Variants in MARCHF11 observed in about 807,000 individuals in gnomAD.
The protein encoded by MARCHF11 is E3 ubiquitin-protein ligase MARCHF11.
MARCHF11 carries 29 observed loss-of-function variants against 37.3 expected under a neutral mutation model. The ratio of observed to expected loss-of-function variants is 0.78; its 90% CI spans 0.58 to 1.06. MARCHF11 has a LOEUF of 1.06. Ranked by LOEUF, MARCHF11 falls within the 50% of genes least tolerant of loss-of-function variation. MARCHF11 has a pLI of 0.00. For missense variants in MARCHF11, 482 were observed against 533.4 expected, an observed-to-expected ratio of 0.90 and a Z score of 0.95; for synonymous variants, 233 against 228.0, an observed-to-expected ratio of 1.02 and a Z score of -0.20.
chr5:16,134,388 T>C (rs983228368), intron 2 of MARCHF11, among the ~76,000 whole-genome samples: 12 of 152,156 alleles, frequency 7.9e-5, no homozygotes, highest in African/African-American at 2.9e-4. Context: ...TGATCTCTTA[T>C]TGCCTTCTCT....
chr5:16,081,972 A>C (rs1736616828), intron 3 of MARCHF11, among the ~76,000 whole-genome samples: 1 of 152,216 alleles, frequency 6.6e-6, no homozygotes, highest in Non-Finnish European at 1.5e-5. Flanking sequence ...CTCATAACCA[A>C]CTATGATAAT....
intron 2 of MARCHF11, among the ~76,000 whole-genome samples, chr5:16,172,573 G>T (rs2126610845): frequency 6.6e-6 from 1 of 152,326 alleles, no homozygotes; most frequent in African/African-American, 2.4e-5. Context: ...GCCATGAAAT[G>T]CAAATGTCTT....
intron 3 of MARCHF11, among the ~76,000 whole-genome samples, chr5:16,075,998 T>C (rs1050723056): frequency 6.6e-6 from 1 of 152,262 alleles, no homozygotes; most frequent in African/African-American, 2.4e-5. Flanking sequence ...CAAACTGAGA[T>C]ACTGGGCTGT....
At chr5:16,127,573 A>T (rs1306284595) in intron 2 of MARCHF11, among the ~76,000 whole-genome samples, 3 of 152,206 alleles carry the variant, frequency 2.0e-5, no homozygotes, top group Non-Finnish European at 4.4e-5. Context: ...GTAGAAGTTT[A>T]TTTGTAGCTT....
At chr5:16,170,021 A>G (rs911761809) in intron 2 of MARCHF11, among the ~76,000 whole-genome samples, 1 of 152,126 alleles carries the variant, frequency 6.6e-6, no homozygotes, top group Non-Finnish European at 1.5e-5. Context: ...GTCTGGCTAC[A>G]TCTCCCTGGG....
chr5:16,075,603 G>A (rs1008811478), intron 3 of MARCHF11, among the ~76,000 whole-genome samples: 5 of 152,160 alleles, frequency 3.3e-5, no homozygotes, highest in Admixed American at 3.3e-4. Context: ...GAGAGAGAGA[G>A]AGAGGAGAGT....
At chr5:16,167,271 G>A (rs904037591) in intron 2 of MARCHF11, among the ~76,000 whole-genome samples, 3 of 152,132 alleles carry the variant, frequency 2.0e-5, no homozygotes, top group Non-Finnish European at 4.4e-5. Flanking sequence ...ACACTCAAAA[G>A]AGCCAAGATT....
chr5:16,126,942 G>C (rs1377559715), intron 2 of MARCHF11, among the ~76,000 whole-genome samples: 1 of 152,060 alleles, frequency 6.6e-6, no homozygotes, highest in Non-Finnish European at 1.5e-5. Flanking sequence ...ATTTTTAAGG[G>C]GTCATAAATT....
intron 3 of MARCHF11, among the ~76,000 whole-genome samples, chr5:16,069,793 T>G (rs748146651): frequency 1.3e-5 from 2 of 152,158 alleles, no homozygotes; most frequent in Non-Finnish European, 2.9e-5. Flanking sequence ...TTGAGCATGT[T>G]TTTCTTGGAC....
Position 16,090,883 on chromosome 5 carries a change from T to A in MARCHF11, c.886+6A>T. On this transcript the variant is annotated splice_donor_region_variant and intron_variant, in intron 3 of 3. Coordinates refer to ENST00000332432, the MANE Select transcript of MARCHF11 (RefSeq NM_001102562.3). Reference sequence around the variant, plus strand: ...AGTGTGTTAACGTTGAAGGTCATGGTCTTACCTATGCACACTAGATCCATA... The same window carrying A: ...AGTGTGTTAACGTTGAAGGTCATGGACTTACCTATGCACACTAGATCCATA... The A allele has an allele frequency of 1.3e-6, 2 of 1,544,046 alleles. No homozygotes were observed. The highest frequency in any genetic ancestry group is 1.8e-6 in the Non-Finnish European group (2 of 1,142,058).
At chr5:16,088,602 T>C (rs1228680230) in intron 3 of MARCHF11, among the ~76,000 whole-genome samples, 2 of 152,218 alleles carry the variant, frequency 1.3e-5, no homozygotes, top group South Asian at 4.1e-4. Context: ...CAATTGGCTA[T>C]TGTTAGACTA....
chr5:16,104,701 T>A (rs114173134), intron 2 of MARCHF11, among the ~76,000 whole-genome samples: 3,170 of 151,174 alleles, frequency 0.021, 119 homozygotes, highest in African/African-American at 0.074. Flanking sequence ...AAAGTTCAGG[T>A]TTTTTTGTTT....
At chr5:16,074,004 A>C (rs193030272) in intron 3 of MARCHF11, among the ~76,000 whole-genome samples, 32 of 152,338 alleles carry the variant, frequency 2.1e-4, no homozygotes, top group African/African-American at 7.5e-4. Context: ...TAGGCCACAG[A>C]ACAAGTCTCA....
chr5:16,083,094 T>G (rs1157764541), intron 3 of MARCHF11, among the ~76,000 whole-genome samples: 1 of 152,202 alleles, frequency 6.6e-6, no homozygotes, highest in Non-Finnish European at 1.5e-5. Flanking sequence ...GAAAGTCTTT[T>G]GATGAAAATT....
At chr5:16,095,843 C>T (rs1309790240) in intron 2 of MARCHF11, among the ~76,000 whole-genome samples, 5 of 152,178 alleles carry the variant, frequency 3.3e-5, no homozygotes, top group Non-Finnish European at 7.3e-5. Flanking sequence ...TTCCCGGTGG[C>T]AGAAGCTGAG....
At chr5:16,070,633 T>C (rs919808596) in intron 3 of MARCHF11, among the ~76,000 whole-genome samples, 1 of 152,228 alleles carries the variant, frequency 6.6e-6, no homozygotes, top group Non-Finnish European at 1.5e-5. Flanking sequence ...TCTGGGAATA[T>C]ATTCCTGGTA....
At chr5:16,120,990 G>T (rs1737300648) in intron 2 of MARCHF11, among the ~76,000 whole-genome samples, 1 of 152,154 alleles carries the variant, frequency 6.6e-6, no homozygotes, top group Non-Finnish European at 1.5e-5. Flanking sequence ...ATTAACTTTG[G>T]GATGCTTTGT....
intron 2 of MARCHF11, among the ~76,000 whole-genome samples, chr5:16,104,914 AACACACAC>A (rs35858618): frequency 2.7e-5 from 4 of 149,556 alleles, no homozygotes; most frequent in African/African-American, 9.8e-5. Flanking sequence ...GACTAAAGGA[AACACACAC>A]ACACACACAC....
intron 2 of MARCHF11, among the ~76,000 whole-genome samples, chr5:16,161,017 G>T (rs1461258319): frequency 6.6e-6 from 1 of 151,770 alleles, no homozygotes; most frequent in Non-Finnish European, 1.5e-5. Flanking sequence ...GAACACCCTG[G>T]TTTATTTGGA....
Sources: allele counts gnomAD v4.1 joint callset (sites outside exome capture counted in the v4.1 genomes callset), GRCh38; gene constraint gnomAD v4.1.1; transcripts MANE v1.5; gene names NCBI Gene and HGNC (gene_info 2026-07-23, HGNC 2026-07-21).